LARGE1: variants seen among roughly 807,000 people sequenced by gnomAD.
The protein encoded by LARGE1 is xylosyl- and glucuronyltransferase LARGE1.
A neutral mutation model predicts 87.6 loss-of-function variants in LARGE1; 43 were observed. The ratio of observed to expected loss-of-function variants is 0.49; its 90% CI spans 0.38 to 0.63. The LOEUF is 0.63. Ranked by LOEUF, LARGE1 falls within the 30% of genes least tolerant of loss-of-function variation. The pLI, the probability that LARGE1 is intolerant of heterozygous loss-of-function variation, is 0.00. For synonymous variants in LARGE1, 434 were observed against 394.6 expected (o/e 1.10, Z -1.18); for missense variants, 802 against 1,000.2 (o/e 0.80, Z 2.67).
At chr22:33,121,663 C>T in the LARGE1 span, among the ~76,000 whole-genome samples, 1 of 152,144 alleles carries the variant, frequency 6.6e-6, no homozygotes, top group South Asian at 2.1e-4. Flanking sequence ...AAATTTGGGC[C>T]TTGTGGGGAG....
intron 1 of LARGE1, among the ~76,000 whole-genome samples, chr22:33,801,861 T>C (rs1022251161): frequency 6.6e-6 from 1 of 152,078 alleles, no homozygotes; most frequent in Non-Finnish European, 1.5e-5. Flanking sequence ...AAGATAATTA[T>C]GGCATCTACT....
the LARGE1 span, among the ~76,000 whole-genome samples, chr22:33,157,197 A>G: frequency 0.42 from 64,168 of 152,076 alleles, 13,972 homozygotes; most frequent in South Asian, 0.68. Flanking sequence ...CTCAGAGTCC[A>G]AAGTGAGTGA....
intron 3 of LARGE1, among the ~76,000 whole-genome samples, chr22:33,641,871 AT>A (rs549612307): frequency 1.3e-5 from 2 of 152,346 alleles, no homozygotes; most frequent in Non-Finnish European, 2.9e-5. Context: ...TCCAAGAAAT[AT>A]GGGACTATGT....
At chr22:33,528,263 G>T (rs1384962032) in intron 6 of LARGE1, among the ~76,000 whole-genome samples, 1 of 152,166 alleles carries the variant, frequency 6.6e-6, no homozygotes, top group Middle Eastern at 3.2e-3. Context: ...GTCGCAGCCT[G>T]CATGGTGGCT....
chr22:33,622,369 G>A (rs929416885), intron 4 of LARGE1, among the ~76,000 whole-genome samples: 2 of 152,030 alleles, frequency 1.3e-5, no homozygotes, highest in Non-Finnish European at 2.9e-5. Flanking sequence ...CCTTGCTCCC[G>A]CTTCACCTTC....
intron 9 of LARGE1, among the ~76,000 whole-genome samples, chr22:33,346,277 TTCC>T (rs139892437): frequency 0.18 from 26,500 of 149,360 alleles, 2,657 homozygotes; most frequent in Admixed American, 0.25. Flanking sequence ...CTCTCTTTCT[TTCC>T]TCCTCCTCCT....
At chr22:33,626,665 T>C (rs2079932159) in intron 3 of LARGE1, among the ~76,000 whole-genome samples, 1 of 152,104 alleles carries the variant, frequency 6.6e-6, no homozygotes, top group African/African-American at 2.4e-5. Context: ...AGGAAAGAAA[T>C]ACATCTTGAA....
intron 2 of LARGE1, among the ~76,000 whole-genome samples, chr22:33,701,514 G>A (rs2082403199): frequency 6.6e-6 from 1 of 152,174 alleles, no homozygotes; most frequent in South Asian, 2.1e-4. Flanking sequence ...CAGTGCCATT[G>A]ACTTCCCTGG....
chr22:33,262,456 G>A (rs972980231), intron 11 of LARGE1, among the ~76,000 whole-genome samples: 22 of 152,248 alleles, frequency 1.4e-4, no homozygotes, highest in Admixed American at 1.0e-3. Context: ...AGAGGGCCCC[G>A]GGTGCCTATC....
chr22:33,602,727 G>C (rs1196703121), intron 5 of LARGE1, among the ~76,000 whole-genome samples: 1 of 152,062 alleles, frequency 6.6e-6, no homozygotes, highest in Non-Finnish European at 1.5e-5. Flanking sequence ...TCCCAGGCTG[G>C]TCTCAAACTC....
chr22:33,183,444 C>A (rs137383), intron 11 of LARGE1, among the ~76,000 whole-genome samples: 91,003 of 151,902 alleles, frequency 0.6, 27,508 homozygotes, highest in Middle Eastern at 0.66. Flanking sequence ...TTAAAAATAG[C>A]AATACCACAT....
chr22:33,204,748 C>T (rs1454897552), intron 11 of LARGE1, among the ~76,000 whole-genome samples: 2 of 152,082 alleles, frequency 1.3e-5, no homozygotes, highest in Non-Finnish European at 2.9e-5. Context: ...GCAAAGGTGG[C>T]CATTCCTCAA....
chr22:33,390,683 T>C (rs2065484797), intron 7 of LARGE1, among the ~76,000 whole-genome samples: 2 of 130,760 alleles, frequency 1.5e-5, no homozygotes, highest in African/African-American at 7.3e-5. Context: ...TCTGCTTTTG[T>C]TGTGTGTTTT....
intron 9 of LARGE1, among the ~76,000 whole-genome samples, chr22:33,352,420 T>C (rs111453175): frequency 7.4e-4 from 113 of 152,252 alleles, no homozygotes; most frequent in African/African-American, 2.4e-3. Flanking sequence ...AAAAGCAATA[T>C]ATTGATGTTG....
the LARGE1 span, among the ~76,000 whole-genome samples, chr22:33,077,330 C>T: frequency 6.6e-6 from 1 of 152,092 alleles, no homozygotes; most frequent in African/African-American, 2.4e-5. Flanking sequence ...CATAGAGTGC[C>T]TAAGTAACTA....
chr22:33,558,722 C>T (rs1299598109), intron 6 of LARGE1, among the ~76,000 whole-genome samples: 1 of 152,198 alleles, frequency 6.6e-6, no homozygotes, highest in Non-Finnish European at 1.5e-5. Context: ...GCATTAAAAA[C>T]TCCTTCGAGG....
intron 6 of LARGE1, among the ~76,000 whole-genome samples, chr22:33,494,273 G>T (rs746863399): frequency 6.6e-6 from 1 of 152,176 alleles, no homozygotes; most frequent in Non-Finnish European, 1.5e-5. Flanking sequence ...TTGAACTGAT[G>T]TGCCTCAGTT....
At chr22:33,529,604 C>T (rs1013763566) in intron 6 of LARGE1, among the ~76,000 whole-genome samples, 2 of 152,162 alleles carry the variant, frequency 1.3e-5, no homozygotes, top group African/African-American at 4.8e-5. Context: ...AATCACTTCC[C>T]CCATGCTGGC....
intron 5 of LARGE1, among the ~76,000 whole-genome samples, chr22:33,570,540 C>T (rs534161315): frequency 3.9e-4 from 59 of 150,388 alleles, no homozygotes; most frequent in South Asian, 1.1e-3. Flanking sequence ...CCCAGCTACT[C>T]GGGAGGCTGA....
Sources: allele counts gnomAD v4.1 joint callset (sites outside exome capture counted in the v4.1 genomes callset), GRCh38; gene constraint gnomAD v4.1.1; transcripts MANE v1.5; gene names NCBI Gene and HGNC (gene_info 2026-07-23, HGNC 2026-07-21).